Variants in PTGR2 observed in about 807,000 individuals in gnomAD.
The protein encoded by PTGR2 is 15-oxoprostaglandin 13-reductase.
In PTGR2, 32 loss-of-function variants were observed where a neutral mutation model predicts 43.4. The ratio of observed to expected loss-of-function variants is 0.74; its 90% CI spans 0.56 to 0.99. The LOEUF is 0.99. Among genes scored for constraint, PTGR2 ranks in the 50% least tolerant of loss-of-function variants. PTGR2 has a pLI of 0.00. For synonymous variants in PTGR2, 106 were observed against 139.2 expected (o/e 0.76, Z 1.68); for missense variants, 373 against 420.0 (o/e 0.89, Z 0.98).
intron 1 of PTGR2, chr14:73,858,377 C>T (rs2054410885): frequency 6.4e-6 from 1 of 155,242 alleles, no homozygotes; most frequent in Non-Finnish European, 1.4e-5. Flanking sequence ...ACAGTGAAAC[C>T]CCGTCTCTAC....
chr14:73,857,667 T>TTTTTTTTTTTTG (rs1462061020), intron 1 of PTGR2, among the ~76,000 whole-genome samples: 3 of 111,560 alleles, frequency 2.7e-5, no homozygotes, highest in African/African-American at 9.7e-5. Flanking sequence ...AGTTAGTGTT[T>TTTTTTTTTTTTG]TTTTTTTTTT....
intron 4 of PTGR2, 91 bp from the exon 5 acceptor site, chr14:73,876,907 G>A: frequency 2.3e-6 from 2 of 868,304 alleles, no homozygotes; most frequent in South Asian, 1.8e-5. Context: ...ATGTTGTGGG[G>A]ACGCAATTCA....
intron 5 of PTGR2, 177 bp downstream of exon 5, chr14:73,877,345 A>C: frequency 4.0e-6 from 2 of 500,126 alleles, no homozygotes; most frequent in Admixed American, 6.8e-5. Flanking sequence ...GCTCACTGCA[A>C]CCTCCGCCTC....
chr14:73,861,533 C>G (rs1393513622), intron 3 of PTGR2: 1 of 152,104 alleles, frequency 6.6e-6, no homozygotes, highest in African/African-American at 2.4e-5. Context: ...CCCAGGAGTT[C>G]AAGACCAGCC....
chr14:73,875,820 C>CTTTTTTTTTTTTTTTTTTTT (rs953891690), intron 4 of PTGR2, among the ~76,000 whole-genome samples: 1 of 94,376 alleles, frequency 1.1e-5, no homozygotes, highest in Admixed American at 1.3e-4. Flanking sequence ...TTAAAAGTTT[C>CTTTTTTTTTTTTTTTTTTTT]TTTTTTTTTT....
chr14:73,874,090 A>T lies in PTGR2; in HGVS notation c.224A>T (p.Asp75Val), dbSNP rs2054798655. 2 of 1,613,746 alleles carry T rather than the reference A, an allele frequency of 1.2e-6. No homozygotes were observed. Among genetic ancestry groups the T allele is most frequent in the Non-Finnish European group, 1.7e-6 (2 of 1,179,832 alleles). The change falls in exon 4 of 10, where the codon GAT (aspartate) becomes GTT (valine). Residue 75 changes from aspartate to valine, a missense_variant. Asp to Val is a radical substitution (Grantham distance 152). Transcript: ENST00000555661. ...ITPWQLSQVV[D>V]GGGIGIIEES... is the part of the protein sequence containing the mutation. ...CCTTGGCAGCTATCTCAAGTCGTTG[A>T]TGGAGGAGGTATTGGAATTATAGAA...
At chr14:73,879,766 A>C (rs1000949596) in intron 6 of PTGR2, 2 of 364,046 alleles carry the variant, frequency 5.5e-6, no homozygotes, top group Admixed American at 8.2e-5. Flanking sequence ...AGTTGAGATT[A>C]TTAAATTGTT....
At chr14:73,870,370 G>A (rs762781463) in intron 3 of PTGR2, among the ~76,000 whole-genome samples, 18 of 151,824 alleles carry the variant, frequency 1.2e-4, no homozygotes, top group Non-Finnish European at 2.5e-4. Context: ...AGTAGAGATG[G>A]GGTTTCGCCA....
At chr14:73,865,792 GCA>G (rs1213129712) in intron 3 of PTGR2, among the ~76,000 whole-genome samples, 1 of 151,784 alleles carries the variant, frequency 6.6e-6, no homozygotes, top group Non-Finnish European at 1.5e-5. Flanking sequence ...ACATGAACCA[GCA>G]CTGTTTGTTG....
chr14:73,857,902 C>T (rs1034085431), intron 1 of PTGR2, among the ~76,000 whole-genome samples: 1 of 151,706 alleles, frequency 6.6e-6, no homozygotes, highest in Non-Finnish European at 1.5e-5. Context: ...AACTCTTGAC[C>T]TTGTGATCCA....
intron 3 of PTGR2, among the ~76,000 whole-genome samples, chr14:73,868,592 A>G (rs1267637854): frequency 6.6e-6 from 1 of 151,900 alleles, no homozygotes; most frequent in Non-Finnish European, 1.5e-5. Flanking sequence ...CAAAGCCCAT[A>G]TCCCTAAACT....
At chr14:73,879,621 A>G (rs1477838438) in intron 6 of PTGR2, 1 of 320,890 alleles carries the variant, frequency 3.1e-6, no homozygotes, top group East Asian at 7.3e-5. Context: ...ACCACTGACC[A>G]ACTCACAGCC....
At chr14:73,871,863 T>C (rs772916303) in intron 3 of PTGR2, among the ~76,000 whole-genome samples, 1 of 152,192 alleles carries the variant, frequency 6.6e-6, no homozygotes, top group Non-Finnish European at 1.5e-5. Flanking sequence ...ACTAGCTGTG[T>C]TTAAGTGCCC....
At chr14:73,874,347 G>A in intron 4 of PTGR2, 133 bp downstream of exon 4, 2 of 704,256 alleles carry the variant, frequency 2.8e-6, no homozygotes, top group South Asian at 3.9e-5. Flanking sequence ...GCCAAAATGT[G>A]GAAAGCCTTT....
chr14:73,883,651 GATTTTTGT>G (rs2055057505), intron 9 of PTGR2, among the ~76,000 whole-genome samples: 1 of 151,710 alleles, frequency 6.6e-6, no homozygotes, highest in Non-Finnish European at 1.5e-5. Context: ...ACTCCCAGCT[GATTTTTGT>G]ATTTTTAGTA....
At chr14:73,875,820 C>CTTTTT (rs953891690) in intron 4 of PTGR2, among the ~76,000 whole-genome samples, 47 of 94,384 alleles carry the variant, frequency 5.0e-4, no homozygotes, top group Non-Finnish European at 8.3e-4. Flanking sequence ...TTAAAAGTTT[C>CTTTTT]TTTTTTTTTT....
intron 1 of PTGR2, among the ~76,000 whole-genome samples, chr14:73,855,226 A>T (rs2054317970): frequency 6.6e-6 from 1 of 152,196 alleles, no homozygotes; most frequent in Admixed American, 6.5e-5. Flanking sequence ...TGCACTAGGT[A>T]TTAGATGATG....
chr14:73,880,394 GA>G (rs1397855912), intron 7 of PTGR2: 2 of 450,498 alleles, frequency 4.4e-6, no homozygotes, highest in East Asian at 9.2e-5. Flanking sequence ...CCAACATGGT[GA>G]AACCCCTTCT....
intron 3 of PTGR2, among the ~76,000 whole-genome samples, chr14:73,868,607 C>T (rs1192310035): frequency 7.2e-5 from 11 of 152,056 alleles, no homozygotes; most frequent in Admixed American, 6.6e-4. Context: ...TAAACTCCTC[C>T]TCTATCTAAC....
Sources: allele counts gnomAD v4.1 joint callset (sites outside exome capture counted in the v4.1 genomes callset), GRCh38; gene constraint gnomAD v4.1.1; transcripts MANE v1.5; gene names NCBI Gene and HGNC (gene_info 2026-07-23, HGNC 2026-07-21).